The following KCNJ3 variants were observed in gnomAD, a reference collection of about 807,000 sequenced individuals.
KCNJ3 encodes the protein G protein-activated inward rectifier potassium channel 1.
In KCNJ3, 4 loss-of-function variants were observed where a neutral mutation model predicts 39.2. The ratio of observed to expected loss-of-function variants is 0.10; its 90% CI spans 0.05 to 0.23. The LOEUF (loss-of-function observed/expected upper bound fraction) is 0.23, where lower values mean the gene tolerates loss of function less well. Ranked by LOEUF, KCNJ3 falls within the 10% of genes least tolerant of loss-of-function variation. The pLI is 1.00. For missense variants in KCNJ3, 276 were observed against 634.9 expected (o/e 0.43, Z 6.08); for synonymous variants, 230 against 237.4 (o/e 0.97, Z 0.29).
chr2:154,738,740 G>A (rs1685592543), intron 2 of KCNJ3, among the ~76,000 whole-genome samples: 1 of 152,006 alleles, frequency 6.6e-6, no homozygotes, highest in Admixed American at 6.6e-5. Flanking sequence ...TACTGAAAGG[G>A]AGAAAAGAAG....
chr2:154,761,362 A>C (rs1686043371), intron 2 of KCNJ3, among the ~76,000 whole-genome samples: 1 of 152,038 alleles, frequency 6.6e-6, no homozygotes, highest in South Asian at 2.1e-4. Flanking sequence ...AATCCCTACT[A>C]ATTTAATTAT....
At chr2:154,826,773 A>G (rs997170051) in intron 2 of KCNJ3, among the ~76,000 whole-genome samples, 3 of 152,210 alleles carry the variant, frequency 2.0e-5, no homozygotes, top group African/African-American at 7.2e-5. Context: ...TGTTTAGATC[A>G]GACATTTTAT....
intron 2 of KCNJ3, among the ~76,000 whole-genome samples, chr2:154,737,474 C>CA (rs74788258): frequency 0.48 from 72,583 of 151,852 alleles, 17,621 homozygotes; most frequent in Non-Finnish European, 0.49. Context: ...TAAAAGTAAC[C>CA]GGCATTCAAA....
chr2:154,757,081 T>C (rs1215152578), intron 2 of KCNJ3, among the ~76,000 whole-genome samples: 2 of 151,888 alleles, frequency 1.3e-5, no homozygotes, highest in Non-Finnish European at 2.9e-5. Context: ...CAAAGTATTA[T>C]ATATATATAT....
intron 2 of KCNJ3, among the ~76,000 whole-genome samples, chr2:154,846,569 TGA>T (rs1194959767): frequency 6.6e-6 from 1 of 152,156 alleles, no homozygotes; most frequent in Admixed American, 6.6e-5. Context: ...TTACTAACAG[TGA>T]GTTATCCAAA....
chr2:154,825,973 TTAA>T (rs1461714142), intron 2 of KCNJ3, among the ~76,000 whole-genome samples: 3 of 151,932 alleles, frequency 2.0e-5, no homozygotes, highest in Non-Finnish European at 4.4e-5. Context: ...GATAGAAGTG[TTAA>T]TAGTCAAAAG....
At chr2:154,748,607 A>G (rs1010918940) in intron 2 of KCNJ3, among the ~76,000 whole-genome samples, 2 of 152,000 alleles carry the variant, frequency 1.3e-5, no homozygotes, top group African/African-American at 2.4e-5. Context: ...AGTTTAAAAT[A>G]AATATGAGTG....
At chr2:154,742,318 G>T (rs1245514556) in intron 2 of KCNJ3, among the ~76,000 whole-genome samples, 1 of 151,788 alleles carries the variant, frequency 6.6e-6, no homozygotes. Flanking sequence ...TAGCTAATGT[G>T]AATACTGCTG....
intron 1 of KCNJ3, among the ~76,000 whole-genome samples, chr2:154,706,267 G>A (rs1346832333): frequency 6.6e-6 from 1 of 152,006 alleles, no homozygotes; most frequent in African/African-American, 2.4e-5. Flanking sequence ...AGTTTATTGA[G>A]CTAAAGGAGA....
rs1471911581 is a variant in KCNJ3, at chr2:154,857,207, G to C, written c.*1894G>C. The C allele has an allele frequency of 1.3e-5, 2 of 151,996 alleles. No individual in the cohort carries two copies. The highest frequency in any genetic ancestry group is 3.9e-4 in the East Asian group (2 of 5,164). The allele number at this position is 151,996 out of a possible 1,614,324, so 9.4% of individuals were successfully genotyped here. A position where few individuals can be genotyped will look rare whatever the true frequency, so the allele number is the denominator to read the frequency against. ...CTAGCTTTCTTAGTTTGTAGATGTAGGAAACAAAATAGTGACAGAGAGAGA... is the reference window on the plus strand; with the variant it reads ...CTAGCTTTCTTAGTTTGTAGATGTACGAAACAAAATAGTGACAGAGAGAGA... On this transcript the variant is annotated 3_prime_UTR_variant, in exon 3 of 3. Transcript: ENST00000295101.
At chr2:154,815,393 T>TTTGTTCAG (rs1488505260) in intron 2 of KCNJ3, among the ~76,000 whole-genome samples, 1 of 152,170 alleles carries the variant, frequency 6.6e-6, no homozygotes. Context: ...AACTGCATCT[T>TTTGTTCAG]TTGTTCAGTT....
Position 154,819,911 on chromosome 2 carries a change from C to CAAA in KCNJ3, c.920-34807_920-34805dup, listed in dbSNP as rs5835548. Among the ~76,000 whole-genome samples the CAAA allele has an allele frequency of 2.1e-3, 308 of 148,392 alleles. 2 individuals carry two copies. The highest frequency in any genetic ancestry group is 4.2e-3 in the Admixed American group (63 of 14,898). On this transcript the variant is annotated intron_variant, in intron 2 of 2. Coordinates refer to ENST00000295101, the MANE Select transcript of KCNJ3 (RefSeq NM_002239.4). ...TTTATATTTAAGTTTTCCAGATTGG[C>CAAA]AAAAAAAAAAATCCCTTTATGATGA... is the stretch of plus-strand genomic sequence containing the variant.
intron 1 of KCNJ3, among the ~76,000 whole-genome samples, chr2:154,704,352 T>C (rs1312692081): frequency 1.3e-5 from 2 of 152,028 alleles, no homozygotes; most frequent in African/African-American, 4.8e-5. Context: ...AATGTGCAAG[T>C]AGGGTTACGA....
intron 2 of KCNJ3, among the ~76,000 whole-genome samples, chr2:154,829,853 G>A (rs568751295): frequency 6.6e-6 from 1 of 152,056 alleles, no homozygotes; most frequent in Non-Finnish European, 1.5e-5. Context: ...GTATCTTATT[G>A]TGGTTTTGAT....
intron 2 of KCNJ3, among the ~76,000 whole-genome samples, chr2:154,759,834 A>G (rs1686007890): frequency 6.6e-6 from 1 of 152,176 alleles, no homozygotes; most frequent in African/African-American, 2.4e-5. Context: ...TATTTGAACC[A>G]CTGGATAGTC....
chr2:154,743,938 A>G (rs962270172), intron 2 of KCNJ3, among the ~76,000 whole-genome samples: 7 of 151,494 alleles, frequency 4.6e-5, no homozygotes, highest in African/African-American at 1.7e-4. Context: ...GCAGCTTTCA[A>G]TCTTTTAATA....
At chr2:154,712,807 C>T (rs1260686844) in intron 2 of KCNJ3, among the ~76,000 whole-genome samples, 1 of 151,962 alleles carries the variant, frequency 6.6e-6, no homozygotes, top group Non-Finnish European at 1.5e-5. Flanking sequence ...AACAACAAAA[C>T]CAAGGTGACG....
chr2:154,843,791 G>T (rs997106662), intron 2 of KCNJ3, among the ~76,000 whole-genome samples: 1 of 152,108 alleles, frequency 6.6e-6, no homozygotes, highest in African/African-American at 2.4e-5. Context: ...GCTCCATCAG[G>T]TCTTTTAAGG....
intron 2 of KCNJ3, among the ~76,000 whole-genome samples, chr2:154,735,627 G>A (rs1226718229): frequency 1.3e-5 from 2 of 152,228 alleles, no homozygotes; most frequent in East Asian, 1.9e-4. Flanking sequence ...AGTACAAAAC[G>A]TTTTTGATTA....
Sources: allele counts gnomAD v4.1 joint callset (sites outside exome capture counted in the v4.1 genomes callset), GRCh38; gene constraint gnomAD v4.1.1; transcripts MANE v1.5; gene names NCBI Gene and HGNC (gene_info 2026-07-23, HGNC 2026-07-21).